Variants in LLGL2 observed in about 807,000 individuals in gnomAD.
LLGL2 encodes the protein LLGL scribble cell polarity complex component 2, also known as LLGL2, scribble cell polarity complex component.
A neutral mutation model predicts 123.2 loss-of-function variants in LLGL2; 81 were observed. That is an observed-to-expected ratio of 0.66 (90% confidence interval 0.55 to 0.79). The LOEUF (loss-of-function observed/expected upper bound fraction) is 0.79. Among genes scored for constraint, LLGL2 ranks in the 30% least tolerant of loss-of-function variants. The probability of loss-of-function intolerance (pLI) is 0.00; values close to 1 mark genes in which losing one functional copy is unlikely to be tolerated. For missense variants in LLGL2, 1,273 were observed against 1,414.6 expected (o/e 0.90, Z 1.61); for synonymous variants, 577 against 594.1 (o/e 0.97, Z 0.42).
upstream of LLGL2, chr17:75,525,200 C>T (rs1411195722): frequency 6.6e-6 from 1 of 151,976 alleles, no homozygotes; most frequent in Non-Finnish European, 1.5e-5. This position sits in a 1 kb window ranked among gnomAD's most constrained non-coding sequence, Gnocchi z 4.8. Context: ...CACCCCCCCC[C>T]GAGGAAAGGC....
In LLGL2 at chr17:75,558,692, AGTGGACTCACCCTTT is replaced by A; in HGVS notation, c.371+69_371+83del. ...GCCTGACCCTTGCCCTTAGCTCTGG[AGTGGACTCACCCTTT>A]GTGAGGCCTGTTGCGCCCCTGGCAG... is the stretch of plus-strand genomic sequence containing the variant. On this transcript the variant is annotated intron_variant, in intron 5 of 25. Coordinates refer to ENST00000392550, the MANE Select transcript of LLGL2 (RefSeq NM_001031803.2). This position sits in a 1 kb window ranked among gnomAD's most constrained non-coding sequence, Gnocchi z 4.0. The A allele has an allele frequency of 7.6e-7, 1 of 1,313,316 alleles. No individual in the cohort carries two copies. Among genetic ancestry groups the A allele is most frequent in the South Asian group, 1.3e-5 (1 of 78,728 alleles). The allele number at this position is 1,313,316 out of a possible 1,614,324, so 81.4% of individuals were successfully genotyped here.
rs765727454 is a variant in LLGL2 at position 75,570,508 on chromosome 17, G to A, written c.2025+10G>A. On this transcript the variant is annotated intron_variant, in intron 16 of 25. Coordinates refer to ENST00000392550, the MANE Select transcript of LLGL2 (RefSeq NM_001031803.2). The stretch of plus-strand genomic sequence containing the variant: ...TGGCCCCCCAGGAGAGGTGAGGCCT[G>A]AGGTGAGGCTGCGGCCGGCCACGCA... 1 of 1,564,804 alleles carries A rather than the reference G, an allele frequency of 6.4e-7. No homozygotes were observed. Among genetic ancestry groups the A allele is most frequent in the Non-Finnish European group, 8.6e-7 (1 of 1,156,242 alleles).
intron 1 of LLGL2, among the ~76,000 whole-genome samples, chr17:75,529,070 C>T (rs974458120): frequency 2.1e-4 from 32 of 151,698 alleles, no homozygotes; most frequent in Admixed American, 2.6e-4. Context: ...GCAGGAGAAT[C>T]GCTTGAACCC....
At chr17:75,537,619 A>G (rs1450303458) in intron 1 of LLGL2, among the ~76,000 whole-genome samples, 1 of 151,574 alleles carries the variant, frequency 6.6e-6, no homozygotes, top group Non-Finnish European at 1.5e-5. Context: ...AATTGCTTGA[A>G]CCTGGGAAAC....
chr17:75,573,745 C>G (rs1456447058), intron 21 of LLGL2, 114 bp downstream of exon 21: 4 of 1,284,028 alleles, frequency 3.1e-6, no homozygotes, highest in Non-Finnish European at 4.3e-6. Context: ...GAGCTCAGCC[C>G]ACCCTCCCAG....
rs2055548123 is a variant in LLGL2, at chr17:75,568,602, C to T, written c.1163C>T (p.Thr388Ile). ...YLASLHCSAITCSHHVSNIPL... is the reference protein window; with the variant it reads ...YLASLHCSAIICSHHVSNIPL... ...GCTTCTCTGCACTGTTCCGCCATCA[C>T]CTGCTCTCACCACGTCTCCAACATC... is the stretch of plus-strand genomic sequence containing the variant. The change falls in exon 11 of 26, where the codon ACC becomes ATC. Residue 388 changes from threonine to isoleucine, a missense_variant. Transcript: ENST00000392550. 3.7e-6 allele frequency: 6 copies of T among 1,613,982 alleles called. No homozygotes were observed. Among genetic ancestry groups the T allele is most frequent in the Middle Eastern group, 1.6e-4 (1 of 6,062 alleles).
At chr17:75,553,196 G>A (rs551167332) in intron 2 of LLGL2, among the ~76,000 whole-genome samples, 6 of 152,318 alleles carry the variant, frequency 3.9e-5, no homozygotes, top group African/African-American at 1.4e-4. Context: ...TCGCATAGCT[G>A]AACAGGGACC....
At chr17:75,526,528 C>A (rs1000678163) in intron 1 of LLGL2, among the ~76,000 whole-genome samples, 2 of 152,154 alleles carry the variant, frequency 1.3e-5, no homozygotes, top group South Asian at 4.1e-4. Context: ...GATTGGTGGA[C>A]ACGCTGGGCC....
intron 3 of LLGL2, among the ~76,000 whole-genome samples, chr17:75,557,173 TC>T (rs929474699): frequency 6.7e-6 from 1 of 150,114 alleles, no homozygotes; most frequent in African/African-American, 2.5e-5. Flanking sequence ...GTCACTGCAC[TC>T]CCAGCCTGCA....
Position 75,564,690 on chromosome 17 carries a change from C to G in LLGL2, c.1036+183C>G. On this transcript the variant is annotated intron_variant, in intron 10 of 25. Transcript: ENST00000392550. The surrounding 1 kb of genome is among the most constrained non-coding windows in gnomAD (Gnocchi z 4.9). ...CCAGCCTGGACAACGTAGGGAGACC[C>G]TTGTCTCTACAAAAAATAAAAAAAT... is the stretch of plus-strand genomic sequence containing the variant. 1 of 959,700 alleles carries G rather than the reference C, an allele frequency of 1.0e-6. No homozygotes were observed. Among genetic ancestry groups the G allele is most frequent in the Non-Finnish European group, 1.5e-6 (1 of 680,012 alleles). 59.4% of individuals were successfully genotyped at this position (959,700 alleles called of 1,614,324 possible).
At chr17:75,538,338 T>G (rs779571504) in intron 1 of LLGL2, among the ~76,000 whole-genome samples, 5 of 152,204 alleles carry the variant, frequency 3.3e-5, no homozygotes, top group Non-Finnish European at 7.3e-5. Context: ...TCATGTCATC[T>G]GCACAGATCT....
chr17:75,532,267 T>C (rs8070053), intron 1 of LLGL2, among the ~76,000 whole-genome samples: 15,001 of 151,682 alleles, frequency 0.099, 777 homozygotes, highest in Non-Finnish European at 0.12. Context: ...TTTGTTTGTT[T>C]TGAGACGGAG....
At position 75,558,053 on chromosome 17, in the gene LLGL2, C is replaced by T; in HGVS notation, c.174-102C>T. 5.3e-6 allele frequency: 6 copies of T among 1,125,110 alleles called. No homozygotes were observed. Among genetic ancestry groups the T allele is most frequent in the Non-Finnish European group, 8.1e-6 (6 of 738,686 alleles). 69.7% of individuals were successfully genotyped at this position (1,125,110 alleles called of 1,614,324 possible). On this transcript the variant is annotated intron_variant, in intron 3 of 25. Coordinates refer to ENST00000392550, the MANE Select transcript of LLGL2 (RefSeq NM_001031803.2). The surrounding 1 kb of genome is among the most constrained non-coding windows in gnomAD (Gnocchi z 4.0). Reference sequence around the variant, plus strand: ...GCTGCCTCGGGGGAGGGCAGCCCCTCTCTGTGTTTGCATCATTGCACATGG... The same window carrying T: ...GCTGCCTCGGGGGAGGGCAGCCCCTTTCTGTGTTTGCATCATTGCACATGG...
intron 2 of LLGL2, among the ~76,000 whole-genome samples, chr17:75,552,395 G>A (rs1250545657): frequency 7.9e-5 from 12 of 151,924 alleles, no homozygotes; most frequent in African/African-American, 2.4e-5. Context: ...AGGCTGAGGC[G>A]GGAGGATCAC....
Position 75,559,797 on chromosome 17 carries a change from A to G in LLGL2, c.530+387A>G, listed in dbSNP as rs1028691693. Reference sequence around the variant, plus strand: ...CCTGGTGCCACCCTTTGCGGTGGGTACTTTGCTGAGGTTCCATTTGCTCGC... The same window carrying G: ...CCTGGTGCCACCCTTTGCGGTGGGTGCTTTGCTGAGGTTCCATTTGCTCGC... On this transcript the variant is annotated intron_variant, in intron 6 of 25. Transcript: ENST00000392550. The surrounding 1 kb of genome is among the most constrained non-coding windows in gnomAD (Gnocchi z 4.6). Among the ~76,000 whole-genome samples, 3 of 152,102 alleles carry G rather than the reference A, an allele frequency of 2.0e-5. No individual in the cohort carries two copies. Among genetic ancestry groups the G allele is most frequent in the African/African-American group, 4.8e-5 (2 of 41,400 alleles).
At chr17:75,574,366 T>G in intron 23 of LLGL2, 87 bp from the exon 24 acceptor site, 1 of 1,535,846 alleles carries the variant, frequency 6.5e-7, no homozygotes, top group Non-Finnish European at 8.8e-7. Flanking sequence ...TACAGATCCA[T>G]GGGCACCCAC....
chr17:75,572,093 T>TGGGACTCCCC (rs1360273242), intron 19 of LLGL2, 29 bp downstream of exon 19: 3 of 1,597,430 alleles, frequency 1.9e-6, no homozygotes, highest in Non-Finnish European at 2.6e-6. Context: ...CGGGTCTCCC[T>TGGGACTCCCC]GGGACTCCCC....
intron 2 of LLGL2, among the ~76,000 whole-genome samples, chr17:75,550,702 G>A (rs1003383613): frequency 6.7e-6 from 1 of 149,408 alleles, no homozygotes; most frequent in Non-Finnish European, 1.5e-5. Context: ...GATCACTTGA[G>A]CCCGGGAGGA....
chr17:75,533,654 A>T (rs1282917979), intron 1 of LLGL2: 1 of 152,186 alleles, frequency 6.6e-6, no homozygotes, highest in Non-Finnish European at 1.5e-5. Context: ...GTTGGATGTG[A>T]TCCTTAAACA....
Sources: allele counts gnomAD v4.1 joint callset (sites outside exome capture counted in the v4.1 genomes callset), GRCh38; gene constraint gnomAD v4.1.1; non-coding constraint Gnocchi (gnomAD v3.1); transcripts MANE v1.5; gene names NCBI Gene and HGNC (gene_info 2026-07-23, HGNC 2026-07-21).